The following YTHDF2 variants were observed in gnomAD, a reference collection of about 807,000 sequenced individuals.
YTHDF2 encodes the protein YTH N6-methyladenosine RNA binding protein F2.
Under a neutral mutation model 50.4 loss-of-function variants are expected in YTHDF2, and 2 were observed. The observed-to-expected ratio is 0.04, with a 90% CI of 0.02 to 0.12. The LOEUF is 0.12. YTHDF2 is among the 10% of genes least tolerant of loss of function. YTHDF2 has a pLI of 1.00. For synonymous variants in YTHDF2, 217 were observed against 255.6 expected, an observed-to-expected ratio of 0.85 and a Z score of 1.44; for missense variants, 483 against 722.6, an observed-to-expected ratio of 0.67 and a Z score of 3.80.
intron 4 of YTHDF2, among the ~76,000 whole-genome samples, chr1:28,762,623 G>T (rs1272440740): frequency 1.3e-5 from 2 of 152,122 alleles, no homozygotes; most frequent in East Asian, 3.8e-4. Context: ...TGTGTTTTAT[G>T]GCCCACTTGA....
intron 4 of YTHDF2, among the ~76,000 whole-genome samples, chr1:28,768,116 T>G (rs143996352): frequency 0.011 from 1,620 of 151,866 alleles, 21 homozygotes; most frequent in African/African-American, 0.037. Context: ...CAGAATGGCT[T>G]GAACCCGGGA....
At chr1:28,744,043 A>G (rs1027499903) in intron 4 of YTHDF2, 57 bp downstream of exon 4, 2 of 1,483,808 alleles carry the variant, frequency 1.3e-6, no homozygotes, top group African/African-American at 1.4e-5. Context: ...AGAGAACAGA[A>G]GAGGTATTAT....
chr1:28,763,904 C>T (rs1187814073), intron 4 of YTHDF2, among the ~76,000 whole-genome samples: 1 of 148,626 alleles, frequency 6.7e-6, no homozygotes, highest in Non-Finnish European at 1.5e-5. Context: ...TACTTTAACT[C>T]ATGCCAGCTC....
intron 4 of YTHDF2, among the ~76,000 whole-genome samples, chr1:28,764,481 C>T (rs750399410): frequency 6.6e-6 from 1 of 151,360 alleles, no homozygotes; most frequent in Non-Finnish European, 1.5e-5. Context: ...CACCATCTTG[C>T]CCAGGCTGAT....
chr1:28,748,187 T>C (rs2087894185), intron 4 of YTHDF2, among the ~76,000 whole-genome samples: 1 of 152,138 alleles, frequency 6.6e-6, no homozygotes, highest in Admixed American at 6.5e-5. Flanking sequence ...TATGATTGCT[T>C]CTAAGCCCAG....
At chr1:28,766,240 T>C (rs1009135579) in intron 4 of YTHDF2, among the ~76,000 whole-genome samples, 2 of 149,918 alleles carry the variant, frequency 1.3e-5, no homozygotes, top group African/African-American at 5.0e-5. Context: ...TACAGGTGCA[T>C]GCCACCACAC....
At position 28,743,019 on chromosome 1, in the gene YTHDF2, A is replaced by G; in HGVS notation, c.749A>G (p.Gln250Arg). ...ADIASKPAKQ[Q>R]PKLKTKNGIA... is the part of the protein sequence containing the mutation. ...ATTGCTAGCAAGCCTGCAAAACAGCAACCTAAACTGAAGACCAAGAATGGC... is the reference window on the plus strand; with the variant it reads ...ATTGCTAGCAAGCCTGCAAAACAGCGACCTAAACTGAAGACCAAGAATGGC... The change falls in exon 4 of 5, where the codon CAA (glutamine) becomes CGA (arginine). Residue 250 changes from glutamine (Q) to arginine (R), a missense_variant. By Grantham distance (43) the Gln-to-Arg change is conservative. Transcript: ENST00000373812. This position sits in a 1 kb window ranked among gnomAD's most constrained non-coding sequence, Gnocchi z 6.9. 6.2e-7 allele frequency: 1 copy of G among 1,614,218 alleles called. No individual in the cohort carries two copies. The highest frequency in any genetic ancestry group is 8.5e-7 in the Non-Finnish European group (1 of 1,180,048).
rs756178969 is a variant in YTHDF2 at position 28,767,151 on chromosome 1, ATTG to A, written c.1717-1773_1717-1771del. 7.4e-4 allele frequency among the ~76,000 whole-genome samples: 112 copies of A among 151,546 alleles called. 1 individual carries two copies. The highest frequency in any genetic ancestry group is 1.3e-3 in the Non-Finnish European group (89 of 67,934). On this transcript the variant is annotated intron_variant, in intron 4 of 4. Transcript: ENST00000373812. ...AGCCACCACTTCTGGCTGTTTTGGT[ATTG>A]TTGTGTTAAAATTGAGAAAGTTTGA... is the stretch of plus-strand genomic sequence containing the variant.
At chr1:28,762,936 C>T (rs1006196602) in intron 4 of YTHDF2, among the ~76,000 whole-genome samples, 4 of 152,088 alleles carry the variant, frequency 2.6e-5, no homozygotes, top group African/African-American at 4.8e-5. Flanking sequence ...GATTGATTCT[C>T]CTGCCTCAGC....
intron 3 of YTHDF2, among the ~76,000 whole-genome samples, chr1:28,741,922 T>C (rs1055241582): frequency 5.3e-5 from 8 of 152,222 alleles, no homozygotes; most frequent in Admixed American, 4.6e-4. Context: ...GTGCTAAAGC[T>C]AAGGCCCATA....
rs182642062 is a variant in YTHDF2 at position 28,750,645 on chromosome 1, C to T, written c.1716+6659C>T. ...TTGTTACACGTAAAATAAGTAAGAACGGACTGAGGCCAGAAAGCTGTGGAT... is the reference window on the plus strand; with the variant it reads ...TTGTTACACGTAAAATAAGTAAGAATGGACTGAGGCCAGAAAGCTGTGGAT... On this transcript the variant is annotated intron_variant, in intron 4 of 4. Coordinates refer to ENST00000373812, the MANE Select transcript of YTHDF2 (RefSeq NM_016258.3). 2.8e-3 allele frequency among the ~76,000 whole-genome samples: 433 copies of T among 152,178 alleles called. 3 individuals are homozygous for T. The highest frequency in any genetic ancestry group is 9.4e-3 in the African/African-American group (390 of 41,522).
At chr1:28,756,875 A>G (rs905511554) in intron 4 of YTHDF2, among the ~76,000 whole-genome samples, 1 of 152,192 alleles carries the variant, frequency 6.6e-6, no homozygotes, top group Non-Finnish European at 1.5e-5. Flanking sequence ...CAGAGGAGAA[A>G]AAAAAGCTCT....
intron 4 of YTHDF2, among the ~76,000 whole-genome samples, chr1:28,763,107 A>G (rs1229788585): frequency 6.6e-6 from 1 of 152,054 alleles, no homozygotes; most frequent in Non-Finnish European, 1.5e-5. Context: ...CATTACAGGC[A>G]TGAGCCACTG....
intron 4 of YTHDF2, among the ~76,000 whole-genome samples, chr1:28,754,985 G>GTT (rs1557547204): frequency 3.4e-5 from 5 of 148,090 alleles, no homozygotes; most frequent in African/African-American, 1.2e-4. Context: ...AAAAAAAAAA[G>GTT]GGGTGGGAGA....
At chr1:28,762,351 C>T (rs1035073676) in intron 4 of YTHDF2, among the ~76,000 whole-genome samples, 1 of 152,268 alleles carries the variant, frequency 6.6e-6, no homozygotes, top group East Asian at 1.9e-4. Context: ...GAGATTGTGC[C>T]ACGGCACTCC....
chr1:28,745,278 T>C (rs12406968), intron 4 of YTHDF2, among the ~76,000 whole-genome samples: 59,986 of 152,046 alleles, frequency 0.39, 12,856 homozygotes, highest in East Asian at 0.77. Context: ...ATTTTATCTT[T>C]CAGTGGGTAC....
At chr1:28,767,755 G>A (rs185738972) in intron 4 of YTHDF2, among the ~76,000 whole-genome samples, 5 of 150,448 alleles carry the variant, frequency 3.3e-5, no homozygotes, top group African/African-American at 9.7e-5. Context: ...TGATCCGCCC[G>A]CCTCGGCCTC....
chr1:28,748,309 C>A (rs913032505), intron 4 of YTHDF2, among the ~76,000 whole-genome samples: 4 of 152,094 alleles, frequency 2.6e-5, no homozygotes, highest in Non-Finnish European at 1.5e-5. Flanking sequence ...CTTTAAAGAA[C>A]AAGCAGGTTT....
At position 28,742,909 on chromosome 1, in the gene YTHDF2, C is replaced by G; in HGVS notation, c.639C>G (p.Ser213Arg). The G allele has an allele frequency of 1.9e-6, 3 of 1,614,104 alleles. No homozygotes were observed. The highest frequency in any genetic ancestry group is 1.7e-6 in the Non-Finnish European group (2 of 1,180,028). Residue 213 changes from serine to arginine, a missense_variant, in exon 4 of 5, where the codon AGC becomes AGG. This residue lies in a region of YTHDF2 where 385 missense variants were observed against 475.8 expected (regional missense o/e 0.81). Coordinates refer to ENST00000373812, the MANE Select transcript of YTHDF2 (RefSeq NM_016258.3). ...AAGTTGTAGGTTCTGCTGTTGGTAGCGGGTCCATTACTAGTAACATCGTGG... is the reference window on the plus strand; with the variant it reads ...AAGTTGTAGGTTCTGCTGTTGGTAGGGGGTCCATTACTAGTAACATCGTGG... ...VPKVVGSAVG[S>R]GSITSNIVAS...
Sources: gnomAD v4.1 joint callset for allele counts (sites outside exome capture counted in the v4.1 genomes callset) on GRCh38, gnomAD v4.1.1 for gene constraint, gnomAD v4.1.1 regional missense constraint, Gnocchi (gnomAD v3.1) non-coding constraint, MANE v1.5 for transcripts, NCBI Gene and HGNC (gene_info 2026-07-23, HGNC 2026-07-21) for gene names.